ASTN2: variants seen among roughly 807,000 people sequenced by gnomAD.
ASTN2 encodes astrotactin 2, also known as astrotactin-2.
ASTN2 carries 54 observed loss-of-function variants against 139.8 expected under a neutral mutation model. The ratio of observed to expected loss-of-function variants is 0.39; its 90% CI spans 0.31 to 0.48. ASTN2 has a LOEUF of 0.48. Among genes scored for constraint, ASTN2 ranks in the 20% least tolerant of loss-of-function variants. The pLI, the probability that ASTN2 is intolerant of heterozygous loss-of-function variation, is 0.95. For missense variants in ASTN2, 1,565 were observed against 1,725.1 expected (o/e 0.91, Z 1.64); for synonymous variants, 756 against 719.5 (o/e 1.05, Z -0.81).
chr9:116,565,388 C>CTCTCTCTCCAT (rs1564120372), intron 19 of ASTN2, among the ~76,000 whole-genome samples: 22 of 33,984 alleles, frequency 6.5e-4, no homozygotes, highest in African/African-American at 3.1e-3. Context: ...TCTCTCTCTC[C>CTCTCTCTCCAT]ATATATATAT....
intron 16 of ASTN2, among the ~76,000 whole-genome samples, chr9:116,719,112 A>ACC (rs1828405211): frequency 6.6e-6 from 1 of 151,516 alleles, no homozygotes; most frequent in Non-Finnish European, 1.5e-5. Flanking sequence ...GGCAGGGTAG[A>ACC]TGCAGGCTGA....
chr9:117,107,393 A>G (rs56120805), intron 4 of ASTN2, among the ~76,000 whole-genome samples: 4,183 of 152,214 alleles, frequency 0.027, 183 homozygotes, highest in African/African-American at 0.094. Flanking sequence ...TATTGTCAAG[A>G]CACCCTCCCG....
At chr9:117,022,803 A>G (rs1303003332) in intron 6 of ASTN2, among the ~76,000 whole-genome samples, 1 of 152,040 alleles carries the variant, frequency 6.6e-6, no homozygotes, top group African/African-American at 2.4e-5. Context: ...CAAGAGTGCT[A>G]TGGTGGATGG....
chr9:116,933,562 T>C (rs1002643341), intron 10 of ASTN2, among the ~76,000 whole-genome samples: 7 of 151,850 alleles, frequency 4.6e-5, no homozygotes. Flanking sequence ...GGGGAAAAGA[T>C]GGAGAGGAAA....
rs112526703 is a variant in ASTN2, at chr9:116,781,769, C to T, written c.2396+23863G>A. ...AAGGTGTGTAGGGAAGAATGACTTC[C>T]GGTTAACTTGTCATTTCAGTCCAGG... is the stretch of plus-strand genomic sequence containing the variant. On this transcript the variant is annotated intron_variant, in intron 13 of 22. Transcript: ENST00000313400. 1.5e-4 allele frequency among the ~76,000 whole-genome samples: 23 copies of T among 152,052 alleles called. 1 individual carries two copies. Among genetic ancestry groups the T allele is most frequent in the South Asian group, 4.2e-4 (2 of 4,792 alleles).
At chr9:117,306,603 A>T (rs1253224794) in intron 1 of ASTN2, among the ~76,000 whole-genome samples, 3 of 152,222 alleles carry the variant, frequency 2.0e-5, no homozygotes, top group Non-Finnish European at 2.9e-5. Context: ...GTTAGTAAAG[A>T]TGCTTTGATC....
chr9:116,451,733 T>G (rs1848180749), intron 20 of ASTN2, among the ~76,000 whole-genome samples: 1 of 152,128 alleles, frequency 6.6e-6, no homozygotes, highest in Admixed American at 6.5e-5. Context: ...CTCATTTTTT[T>G]GTACGAAAAA....
intron 1 of ASTN2, among the ~76,000 whole-genome samples, chr9:117,337,248 T>C (rs879677896): frequency 1.3e-5 from 2 of 151,942 alleles, no homozygotes; most frequent in Non-Finnish European, 2.9e-5. Context: ...GGAGAAAAAA[T>C]AGTCATGGGT....
At chr9:117,337,162 G>A in intron 1 of ASTN2, among the ~76,000 whole-genome samples, 1 of 152,080 alleles carries the variant, frequency 6.6e-6, no homozygotes, top group African/African-American at 2.4e-5. Flanking sequence ...ATACCCTATG[G>A]TACCTCTGCA....
chr9:116,516,702 G>A (rs1850665716), intron 19 of ASTN2, among the ~76,000 whole-genome samples: 1 of 152,186 alleles, frequency 6.6e-6, no homozygotes, highest in African/African-American at 2.4e-5. Context: ...CAACAGAGGG[G>A]CTTGTGATCT....
chr9:116,891,404 A>G (rs1264524197), intron 10 of ASTN2, among the ~76,000 whole-genome samples: 1 of 152,176 alleles, frequency 6.6e-6, no homozygotes, highest in Non-Finnish European at 1.5e-5. Context: ...ATGAACACTA[A>G]TTGGATCATA....
At chr9:116,822,108 C>T (rs1415734296) in intron 11 of ASTN2, among the ~76,000 whole-genome samples, 1 of 151,970 alleles carries the variant, frequency 6.6e-6, no homozygotes, top group Non-Finnish European at 1.5e-5. Flanking sequence ...CGGCCAACTC[C>T]CCGCTCCCCT....
rs116027754 is a variant in ASTN2 at position 116,572,103 on chromosome 9, T to C, written c.3355+46221A>G. Among the ~76,000 whole-genome samples, 455 of 152,288 alleles carry C rather than the reference T, an allele frequency of 3.0e-3. 3 individuals carry two copies. The highest frequency in any genetic ancestry group is 0.01 in the African/African-American group (433 of 41,546). On this transcript the variant is annotated intron_variant, in intron 19 of 22. Coordinates refer to ENST00000313400, the MANE Select transcript of ASTN2 (RefSeq NM_001365068.1). ...TGTTTGTAGGTACAACTGCATATTC[T>C]GTGTGTTCCCCTGTGTCTCTGCCTC...
chr9:116,531,927 T>C (rs1403274720), intron 19 of ASTN2, among the ~76,000 whole-genome samples: 3 of 152,226 alleles, frequency 2.0e-5, no homozygotes, highest in Admixed American at 2.0e-4. Flanking sequence ...TCTAGATCCT[T>C]GAGGAATCAC....
At chr9:117,175,192 C>A (rs995871795) in intron 3 of ASTN2, among the ~76,000 whole-genome samples, 1 of 152,006 alleles carries the variant, frequency 6.6e-6, no homozygotes, top group African/African-American at 2.4e-5. Flanking sequence ...TGAAAAGATA[C>A]AATTTGCAAC....
intron 1 of ASTN2, among the ~76,000 whole-genome samples, chr9:117,394,633 G>T (rs1830628633): frequency 6.6e-6 from 1 of 152,234 alleles, no homozygotes; most frequent in Admixed American, 6.5e-5. Context: ...AGTTCCACCA[G>T]CAGAAATTCA....
In ASTN2 at chr9:116,528,790, C is replaced by T. The variant is rs375773519; in HGVS notation, c.3356-41290G>A. Among the ~76,000 whole-genome samples the T allele has an allele frequency of 9.2e-5, 14 of 152,208 alleles. No homozygotes were observed. In the East Asian group the frequency reaches 2.1e-3, roughly 23 times the overall value. Reference sequence around the variant, plus strand: ...CAGCTCCAGTCATGGCTAAAAGGGGCCAAGGTATAGCTTAGGCTGTCACTT... The same window carrying T: ...CAGCTCCAGTCATGGCTAAAAGGGGTCAAGGTATAGCTTAGGCTGTCACTT... On this transcript the variant is annotated intron_variant, in intron 19 of 22. Transcript: ENST00000313400.
At chr9:117,034,850 A>G (rs1026124300) in intron 6 of ASTN2, among the ~76,000 whole-genome samples, 4 of 152,344 alleles carry the variant, frequency 2.6e-5, no homozygotes, top group African/African-American at 9.6e-5. Context: ...CCCAGATAAA[A>G]GAAGGGGTGA....
chr9:116,693,898 T>C (rs1260054727), intron 16 of ASTN2, among the ~76,000 whole-genome samples: 2 of 152,212 alleles, frequency 1.3e-5, no homozygotes, highest in African/African-American at 2.4e-5. Context: ...AGACGGGCTC[T>C]ATCTGCCTGT....
Sources: gnomAD v4.1 joint callset for allele counts (sites outside exome capture counted in the v4.1 genomes callset) on GRCh38, gnomAD v4.1.1 for gene constraint, MANE v1.5 for transcripts, NCBI Gene and HGNC (gene_info 2026-07-23, HGNC 2026-07-21) for gene names.